The following RASSF8 variants were observed in gnomAD, a reference collection of about 807,000 sequenced individuals.
The protein encoded by RASSF8 is Ras association domain family member 8, also known as ras association domain-containing protein 8.
Under a neutral mutation model 48.5 loss-of-function variants are expected in RASSF8, and 22 were observed. The ratio of observed to expected loss-of-function variants is 0.45; its 90% confidence interval spans 0.32 to 0.65. The LOEUF is 0.65. Ranked by LOEUF, RASSF8 falls within the 30% of genes least tolerant of loss-of-function variation. RASSF8 has a pLI of 0.03. For synonymous variants in RASSF8, 127 were observed against 171.5 expected (o/e 0.74, Z 2.03); for missense variants, 418 against 489.2 (o/e 0.85, Z 1.37).
At chr12:25,960,482 TA>T (rs941187021) in intron 1 of RASSF8, among the ~76,000 whole-genome samples, 8 of 152,160 alleles carry the variant, frequency 5.3e-5, no homozygotes, top group African/African-American at 1.9e-4. Flanking sequence ...GCGGGCATAC[TA>T]ATGGTACTTT....
chr12:26,038,331 G>A (rs1465440290), intron 2 of RASSF8, among the ~76,000 whole-genome samples: 1 of 152,090 alleles, frequency 6.6e-6, no homozygotes, highest in African/African-American at 2.4e-5. Context: ...TTCCTTGAAA[G>A]TATTTTGCAT....
At chr12:26,015,277 G>A (rs1018744757) in intron 2 of RASSF8, among the ~76,000 whole-genome samples, 4 of 151,916 alleles carry the variant, frequency 2.6e-5, no homozygotes, top group Admixed American at 1.3e-4. Flanking sequence ...GGTAAAAGAT[G>A]CTGCACCTAC....
intron 3 of RASSF8, among the ~76,000 whole-genome samples, chr12:26,062,429 AT>A (rs1452131668): frequency 2.0e-5 from 3 of 152,184 alleles, no homozygotes; most frequent in African/African-American, 7.2e-5. Flanking sequence ...GCACTTTTCA[AT>A]TTCACAAACA....
chr12:25,987,570 G>T (rs1941916461), intron 1 of RASSF8, among the ~76,000 whole-genome samples: 1 of 152,118 alleles, frequency 6.6e-6, no homozygotes, highest in African/African-American at 2.4e-5. Flanking sequence ...TCTTCAGCTT[G>T]AAGTGGCTTT....
rs773544550 is a variant in RASSF8 at position 26,005,161 on chromosome 12, T to TGG, written c.-109+10034_-109+10035dup. Among the ~76,000 whole-genome samples, 1,123 of 129,922 alleles carry TGG rather than the reference T, an allele frequency of 8.6e-3. 18 individuals are homozygous for TGG. The highest frequency in any genetic ancestry group is 0.03 in the African/African-American group (1,066 of 35,090). The allele number at this position is 129,922 out of a possible 152,430, so 85.2% of individuals were successfully genotyped here. ...TTGTGTCTTTTTAAATTTTTACGGA[T>TGG]GGGGTGTGTGTGTGTGTGTGTGTGT... On this transcript the variant is annotated intron_variant, in intron 2 of 5. Coordinates refer to ENST00000689635, the MANE Select transcript of RASSF8 (RefSeq NM_001394098.1).
Position 26,071,938 on chromosome 12 carries a change from T to C in RASSF8, c.*3120T>C. The C allele has an allele frequency of 4.1e-6, 4 of 985,396 alleles. No individual in the cohort carries two copies. In the South Asian group the frequency reaches 1.9e-4, roughly 46 times the overall value. 61.0% of individuals were successfully genotyped at this position (985,396 alleles called of 1,614,324 possible). A position where few individuals can be genotyped will look rare whatever the true frequency, so the allele number is the denominator to read the frequency against. On this transcript the variant is annotated 3_prime_UTR_variant, in exon 6 of 6. Coordinates refer to ENST00000689635, the MANE Select transcript of RASSF8 (RefSeq NM_001394098.1). ...CTGCATTAAAGGATAATTTTCTCTG[T>C]GAATAAGAGCAAAATGGTCTTCAGA...
At chr12:26,009,784 G>T (rs1942478472) in intron 2 of RASSF8, among the ~76,000 whole-genome samples, 1 of 152,152 alleles carries the variant, frequency 6.6e-6, no homozygotes. Context: ...ACCTCGATAA[G>T]AGTAGTTTGG....
intron 2 of RASSF8, among the ~76,000 whole-genome samples, chr12:26,042,353 T>C (rs1943283138): frequency 6.6e-6 from 1 of 152,234 alleles, no homozygotes; most frequent in Non-Finnish European, 1.5e-5. Context: ...TAAGACAAGT[T>C]ATTCAGATAG....
At chr12:26,078,142 C>T (rs1944087465) in intron 5 of RASSF8, among the ~76,000 whole-genome samples, 1 of 152,108 alleles carries the variant, frequency 6.6e-6, no homozygotes, top group South Asian at 2.1e-4. Context: ...GGAGATATAG[C>T]AGTGAATCAC....
chr12:26,064,605 A>T lies in RASSF8; in HGVS notation c.211A>T (p.Ser71Cys). The T allele has an allele frequency of 6.2e-7, 1 of 1,614,206 alleles. No homozygotes were observed. The highest frequency in any genetic ancestry group is 1.1e-5 in the South Asian group (1 of 91,076). Residue 71 changes from serine (S) to cysteine (C), a missense_variant, in exon 4 of 6, where the codon AGT becomes TGT. By Grantham distance (112) the Ser-to-Cys change is moderately radical. Transcript: ENST00000689635. ...ISLNKWGQYA[S>C]DVQLILRRTG... ...CTTAAACAAATGGGGGCAGTATGCT[A>T]GTGATGTGCAGCTCATTCTACGACG...
At chr12:25,980,995 G>A (rs553417550) in intron 1 of RASSF8, among the ~76,000 whole-genome samples, 1 of 152,256 alleles carries the variant, frequency 6.6e-6, no homozygotes, top group South Asian at 2.1e-4. Flanking sequence ...ACTTTTTATG[G>A]GCAGTATAAG....
intron 2 of RASSF8, among the ~76,000 whole-genome samples, chr12:26,026,185 A>G (rs1484586208): frequency 6.6e-6 from 1 of 152,236 alleles, no homozygotes; most frequent in Non-Finnish European, 1.5e-5. Context: ...ATCAAAAGTG[A>G]AAAGACAACT....
intron 2 of RASSF8, among the ~76,000 whole-genome samples, chr12:26,019,113 T>A (rs1382597936): frequency 6.6e-6 from 1 of 152,176 alleles, no homozygotes; most frequent in Non-Finnish European, 1.5e-5. Context: ...TATGGAGTGA[T>A]CGTAGCTGTC....
At chr12:26,012,877 T>C (rs571975106) in intron 2 of RASSF8, among the ~76,000 whole-genome samples, 2 of 152,188 alleles carry the variant, frequency 1.3e-5, no homozygotes, top group African/African-American at 4.8e-5. Context: ...AGTCTCACTT[T>C]GTTGCCCAGG....
chr12:25,963,321 C>CAAAAAAAAA, intron 1 of RASSF8, among the ~76,000 whole-genome samples: 1 of 96,180 alleles, frequency 1.0e-5, no homozygotes, highest in Non-Finnish European at 2.1e-5. Context: ...TTGTTTTAGC[C>CAAAAAAAAA]AAAAAAAAAA....
intron 2 of RASSF8, among the ~76,000 whole-genome samples, chr12:26,014,009 A>G (rs1942587478): frequency 6.6e-6 from 1 of 152,140 alleles, no homozygotes; most frequent in Admixed American, 6.6e-5. Context: ...GACCTGTGGT[A>G]TTGGTTTGAG....
chr12:26,021,647 G>A (rs1942789996), intron 2 of RASSF8: 1 of 152,202 alleles, frequency 6.6e-6, no homozygotes, highest in Non-Finnish European at 1.5e-5. Context: ...CACCTTGCTT[G>A]TAAGGTGCAG....
chr12:26,025,866 C>T (rs1942901173), intron 2 of RASSF8, among the ~76,000 whole-genome samples: 1 of 151,748 alleles, frequency 6.6e-6, no homozygotes, highest in Admixed American at 6.6e-5. Context: ...AACTATAATA[C>T]ATTGTTGAAA....
At position 26,065,399 on chromosome 12, in the gene RASSF8, T is replaced by A. The variant is rs1943850280; in HGVS notation, c.993+12T>A. On this transcript the variant is annotated intron_variant, in intron 4 of 5. Transcript: ENST00000689635. ...CCAAACGCTTACAGGTAGGGACACT[T>A]TGATAAATAGAATGTTTGGCCCATG... The A allele has an allele frequency of 1.3e-6, 2 of 1,580,096 alleles. No homozygotes were observed. Among genetic ancestry groups the A allele is most frequent in the African/African-American group, 2.7e-5 (2 of 73,434 alleles).
Sources: gnomAD v4.1 joint callset for allele counts (sites outside exome capture counted in the v4.1 genomes callset) on GRCh38, gnomAD v4.1.1 for gene constraint, MANE v1.5 for transcripts, NCBI Gene and HGNC (gene_info 2026-07-23, HGNC 2026-07-21) for gene names.